The following KRT4 variants were observed in gnomAD, a reference collection of about 807,000 sequenced individuals.
The protein encoded by KRT4 is keratin, type II cytoskeletal 4.
In KRT4, 47 loss-of-function variants were observed where a neutral mutation model predicts 50.6. The ratio of observed to expected loss-of-function variants is 0.93; its 90% confidence interval spans 0.73 to 1.18. The LOEUF (loss-of-function observed/expected upper bound fraction) is 1.18. KRT4 is among the 50% of genes most tolerant of loss of function. The pLI, the probability that KRT4 is intolerant of heterozygous loss-of-function variation, is 0.00. For missense variants in KRT4, 651 were observed against 645.7 expected (o/e 1.01, Z -0.09); for synonymous variants, 254 against 251.2 (o/e 1.01, Z -0.10).
chr12:52,808,638 C>G (rs776681248), intron 5 of KRT4, 48 bp downstream of exon 5: 1 of 1,602,658 alleles, frequency 6.2e-7, no homozygotes, highest in Non-Finnish European at 8.5e-7. Flanking sequence ...ACATCAAAAG[C>G]AGAGCCCCAG....
chr12:52,807,199 C>T lies in KRT4; in HGVS notation c.1433G>A (p.Ser478Asn). The T allele has an allele frequency of 1.9e-6, 3 of 1,614,220 alleles. No individual in the cohort carries two copies. Among genetic ancestry groups the T allele is most frequent in the Non-Finnish European group, 2.5e-6 (3 of 1,180,038 alleles). Residue 478 changes from serine (S) to asparagine (N), a missense_variant, in exon 9 of 9, where the codon AGT (serine) becomes AAT (asparagine). Transcript: ENST00000551956. Reference protein sequence around the residue: ...STGGISGGLGSGSGFGLSSGF... With the variant: ...STGGISGGLGNGSGFGLSSGF... ...ACTACTCAGGCCAAACCCGGAGCCA[C>T]TTCCTAATCCTCCGCTGATGCCTCC...
Position 52,807,106 on chromosome 12 carries a change from T to C in KRT4, c.1526A>G (p.Lys509Arg). The change falls in exon 9 of 9, where the codon AAG becomes AGG. Residue 509 changes from lysine to arginine, a missense_variant. Coordinates refer to ENST00000551956, the MANE Select transcript of KRT4 (RefSeq NM_002272.4). ...GTTCAGGGTGGTGGTAGAGATGATC[T>C]TGCTGCTGGAACTGCCAGAGACACT... ...GGSVSGSSSSKIISTTTLNKR... is the reference protein window; with the variant it reads ...GGSVSGSSSSRIISTTTLNKR... The C allele has an allele frequency of 1.2e-6, 2 of 1,614,138 alleles. No homozygotes were observed. Among genetic ancestry groups the C allele is most frequent in the South Asian group, 1.1e-5 (1 of 91,084 alleles).
chr12:52,812,425 C>T (rs1288452246), intron 1 of KRT4, among the ~76,000 whole-genome samples: 9 of 152,206 alleles, frequency 5.9e-5, no homozygotes, highest in Non-Finnish European at 1.5e-5. Flanking sequence ...ATGGATCTGG[C>T]GTGTCCCTGT....
chr12:52,807,075 T>A lies in KRT4; in HGVS notation c.1557A>T (p.Arg519Ser), dbSNP rs201194183. ...TGCAGGGACCTCGTCTCCTCTATCG[T>A]CTCTTGTTCAGGGTGGTGGTAGAGA... ...KIISTTTLNK[R>S]R The change falls in exon 9 of 9, where the codon AGA becomes AGT. Residue 519 changes from arginine (R) to serine (S), a missense_variant. By Grantham distance (110) the Arg-to-Ser change is moderately radical. Coordinates refer to ENST00000551956, the MANE Select transcript of KRT4 (RefSeq NM_002272.4). 5.0e-6 allele frequency: 8 copies of A among 1,614,002 alleles called. No individual in the cohort carries two copies. Among genetic ancestry groups the A allele is most frequent in the Non-Finnish European group, 2.5e-6 (3 of 1,179,974 alleles).
chr12:52,809,528 G>T (rs1185813790), intron 3 of KRT4, 50 bp from the exon 4 acceptor site: 11 of 1,338,208 alleles, frequency 8.2e-6, no homozygotes, highest in Admixed American at 1.7e-5. Flanking sequence ...ATGCCAGTAG[G>T]AGGACGGGTT....
At chr12:52,810,720 C>T (rs375835557) in intron 3 of KRT4, 36 bp downstream of exon 3, 68 of 1,585,564 alleles carry the variant, frequency 4.3e-5, no homozygotes, top group South Asian at 9.9e-5. Flanking sequence ...GGAAGGGGCA[C>T]CCTGAAGGCA....
intron 1 of KRT4, among the ~76,000 whole-genome samples, chr12:52,812,404 C>A (rs542846908): frequency 6.6e-6 from 1 of 152,180 alleles, no homozygotes; most frequent in Non-Finnish European, 1.5e-5. Flanking sequence ...TTTAAATAAG[C>A]TTACTTATCA....
rs769231045 is a variant in KRT4, at chr12:52,813,944, C to A, written c.115G>T (p.Ala39Ser). The A allele has an allele frequency of 2.5e-6, 4 of 1,614,054 alleles. No homozygotes were observed. Among genetic ancestry groups the A allele is most frequent in the South Asian group, 2.2e-5 (2 of 91,088 alleles). The change falls in exon 1 of 9, where the codon GCT becomes TCT. Residue 39 changes from alanine to serine, a missense_variant. Coordinates refer to ENST00000551956, the MANE Select transcript of KRT4 (RefSeq NM_002272.4). ...AATCCCCCAGAAGAGCATCGGCCAG[C>A]ACCTCCAGACATGGAGACTGAGCTG... ...AFSSVSMSGG[A>S]GRCSSGGFGS...
At chr12:52,812,558 A>G (rs763557993) in intron 1 of KRT4, among the ~76,000 whole-genome samples, 4 of 152,210 alleles carry the variant, frequency 2.6e-5, no homozygotes, top group Non-Finnish European at 5.9e-5. Flanking sequence ...AAATCTAGCC[A>G]GACAAACCAG....
At chr12:52,808,454 AG>A (rs1939846440) in intron 5 of KRT4, 35 bp from the exon 6 acceptor site, 1 of 1,612,386 alleles carries the variant, frequency 6.2e-7, no homozygotes, top group African/African-American at 1.3e-5. Context: ...ACCAGGTGTT[AG>A]GGGCATTTGG....
chr12:52,808,234 T>C (rs953284384), intron 6 of KRT4, 60 bp downstream of exon 6: 9 of 1,601,130 alleles, frequency 5.6e-6, no homozygotes, highest in Non-Finnish European at 7.7e-6. Context: ...TTGTCCACTC[T>C]GGAGATGTCT....
At chr12:52,813,519 G>T in intron 1 of KRT4, 78 bp downstream of exon 1, 2 of 1,273,020 alleles carry the variant, frequency 1.6e-6, no homozygotes, top group Non-Finnish European at 2.3e-6. Flanking sequence ...AGCACCTGTG[G>T]CAGGCTCAGG....
In KRT4 at chr12:52,807,245, C is replaced by T; in HGVS notation, c.1387G>A (p.Val463Ile). The change falls in exon 9 of 9, where the codon GTC becomes ATC. Residue 463 changes from valine (V) to isoleucine (I), a missense_variant. By Grantham distance (29) the Val-to-Ile change is conservative. Coordinates refer to ENST00000551956, the MANE Select transcript of KRT4 (RefSeq NM_002272.4). Reference protein sequence around the residue: ...ECQSAVSISVVSGSTSTGGIS... With the variant: ...ECQSAVSISVISGSTSTGGIS... ...CCTCCAGTGCTGGTGCTACCGCTGA[C>T]CACAGCTGCAGAAAAGACACAAAAG... 6.2e-7 allele frequency: 1 copy of T among 1,614,180 alleles called. No homozygotes were observed. The highest frequency in any genetic ancestry group is 8.5e-7 in the Non-Finnish European group (1 of 1,180,032).
intron 4 of KRT4, 51 bp downstream of exon 4, chr12:52,809,332 A>G: frequency 7.3e-7 from 1 of 1,372,876 alleles, no homozygotes; most frequent in Non-Finnish European, 1.0e-6. Context: ...CAGCAGCGTC[A>G]CAGATGGGGG....
chr12:52,807,648 A>G lies in KRT4; in HGVS notation c.1342T>C (p.Tyr448His), dbSNP rs1479868387. 3.7e-6 allele frequency: 6 copies of G among 1,612,938 alleles called. No homozygotes were observed. The highest frequency in any genetic ancestry group is 5.1e-6 in the Non-Finnish European group (6 of 1,179,884). The change falls in exon 7 of 9, where the codon TAC becomes CAC. Residue 448 changes from tyrosine (Y) to histidine (H), a missense_variant. Transcript: ENST00000551956. ...TYRKLLEGEE[Y>H]RMSGECQSAV... ...ACACCCTGCCTAACCCCTCACCTGT[A>G]CTCCTCGCCCTCCAGCAGTTTGCGG...
chr12:52,813,636 G>T lies in KRT4; in HGVS notation c.423C>A (p.Ile141=). 1 of 1,613,980 alleles carries T rather than the reference G, an allele frequency of 6.2e-7. No individual in the cohort carries two copies. The highest frequency in any genetic ancestry group is 8.5e-7 in the Non-Finnish European group (1 of 1,179,978). ...QKVRTEEREQ[I]KLLNNKFASF... is the part of the protein sequence containing the mutation. ...AGGCAAACTTGTTGTTGAGGAGCTT[G>T]ATCTGTTCGCGCTCTTCCGTCCGGA... Residue 141 remains isoleucine (I), a synonymous_variant, in exon 1 of 9, where the codon ATC becomes ATA. Transcript: ENST00000551956.
chr12:52,813,488 G>T, intron 1 of KRT4, 109 bp downstream of exon 1: 1 of 943,350 alleles, frequency 1.1e-6, no homozygotes. Flanking sequence ...TTGGGGCCCA[G>T]GGAAGTTCAG....
Position 52,806,846 on chromosome 12 carries a change from G to A in KRT4, c.*223C>T, listed in dbSNP as rs925526685. 1 of 608,686 alleles carries A rather than the reference G, an allele frequency of 1.6e-6. No homozygotes were observed. The allele number at this position is 608,686 out of a possible 1,614,324, so 37.7% of individuals were successfully genotyped here. The stretch of plus-strand genomic sequence containing the variant: ...GCTGACATCCTTCCCATTCCAGGTG[G>A]GTCACCAGGCCCAAATCAAGAAGTA... On this transcript the variant is annotated 3_prime_UTR_variant, in exon 9 of 9. Transcript: ENST00000551956.
In KRT4 at chr12:52,811,929, G is replaced by T. The variant is rs1939919599; in HGVS notation, c.511C>A (p.Leu171Met). ...QNKVLETKWNLLQQQTTTTSS... is the reference protein window; with the variant it reads ...QNKVLETKWNMLQQQTTTTSS... The stretch of plus-strand genomic sequence containing the variant: ...GTGGTGGTCGTCTGCTGCTGGAGCA[G>T]GTTCCATTTGGTCTCCAGGACCTTA... Residue 171 changes from leucine to methionine, a missense_variant, in exon 2 of 9, where the codon CTG (leucine) becomes ATG (methionine). Transcript: ENST00000551956. 4.3e-6 allele frequency: 7 copies of T among 1,613,972 alleles called. No homozygotes were observed. The East Asian group carries it at 1.6e-4, about 36-fold the overall frequency.
Sources: allele counts gnomAD v4.1 joint callset (sites outside exome capture counted in the v4.1 genomes callset), GRCh38; gene constraint gnomAD v4.1.1; transcripts MANE v1.5; gene names NCBI Gene and HGNC (gene_info 2026-07-23, HGNC 2026-07-21).